NTN1: variants seen among roughly 807,000 people sequenced by gnomAD.
The protein encoded by NTN1 is netrin 1.
Under a neutral mutation model 54.2 loss-of-function variants are expected in NTN1, and 11 were observed. The ratio of observed to expected loss-of-function variants is 0.20; its 90% CI spans 0.13 to 0.34. The LOEUF (loss-of-function observed/expected upper bound fraction) is 0.34. NTN1 is among the 10% of genes least tolerant of loss of function. The pLI, the probability that NTN1 is intolerant of heterozygous loss-of-function variation, is 1.00. For synonymous variants in NTN1, 371 were observed against 382.0 expected (o/e 0.97, Z 0.33); for missense variants, 740 against 893.1 (o/e 0.83, Z 2.18).
chr17:9,183,244 C>A (rs16957995), intron 5 of NTN1: 239,489 of 650,216 alleles, frequency 0.37, 46,464 homozygotes, highest in Middle Eastern at 0.49. Context: ...TACTTGTCCA[C>A]CAGCTGCCCG....
At chr17:9,040,969 C>T (rs2091919423) in intron 2 of NTN1, among the ~76,000 whole-genome samples, 1 of 152,018 alleles carries the variant, frequency 6.6e-6, no homozygotes, top group Non-Finnish European at 1.5e-5. Flanking sequence ...GCACCATGCC[C>T]AGCTAATTTT....
chr17:9,182,861 G>GT, intron 4 of NTN1, 55 bp from the exon 5 acceptor site: 3 of 1,578,014 alleles, frequency 1.9e-6, no homozygotes, highest in Non-Finnish European at 2.6e-6. Context: ...AAAAAATCAT[G>GT]TCGTCTTACC....
chr17:9,170,584 A>G (rs903248532), intron 3 of NTN1, among the ~76,000 whole-genome samples: 2 of 152,152 alleles, frequency 1.3e-5, no homozygotes, highest in African/African-American at 4.8e-5. Context: ...TTTGGGAGCA[A>G]AGATGACAAG....
chr17:9,151,936 G>A (rs1030588653), intron 2 of NTN1, among the ~76,000 whole-genome samples: 6 of 152,150 alleles, frequency 3.9e-5, no homozygotes, highest in Non-Finnish European at 7.3e-5. Context: ...TCTGTAAAAC[G>A]CATCAATCAG....
At position 9,065,223 on chromosome 17, in the gene NTN1, C is replaced by A. The variant is rs1383317697; in HGVS notation, c.1018+41832C>A. Among the ~76,000 whole-genome samples, 3 of 152,220 alleles carry A rather than the reference C, an allele frequency of 2.0e-5. No individual in the cohort carries two copies. In the East Asian group the frequency reaches 5.8e-4, roughly 29 times the overall value. ...AAGTGCTGGGATTACAGGTGTGAGC[C>A]ACTGTGCCCAGCCTTATGTGATCTT... On this transcript the variant is annotated intron_variant, in intron 2 of 6. Coordinates refer to ENST00000173229, the MANE Select transcript of NTN1 (RefSeq NM_004822.3).
intron 2 of NTN1, among the ~76,000 whole-genome samples, chr17:9,085,876 G>A (rs1056512603): frequency 1.3e-5 from 2 of 152,156 alleles, no homozygotes; most frequent in African/African-American, 4.8e-5. Context: ...TCAGCTTCTC[G>A]TGGGGTGACA....
At chr17:9,176,537 G>A (rs1163848224) in intron 3 of NTN1, 3 of 152,200 alleles carry the variant, frequency 2.0e-5, no homozygotes, top group African/African-American at 7.2e-5. Context: ...CCAGGCCATA[G>A]TATGGCATTG....
chr17:9,195,502 A>G (rs2142332026), intron 5 of NTN1, among the ~76,000 whole-genome samples: 1 of 152,254 alleles, frequency 6.6e-6, no homozygotes, highest in Non-Finnish European at 1.5e-5. Context: ...TCCATGTCAC[A>G]CAGCTGTCAC....
chr17:9,191,310 A>AG (rs1250128441), intron 5 of NTN1, among the ~76,000 whole-genome samples: 1 of 152,140 alleles, frequency 6.6e-6, no homozygotes, highest in African/African-American at 2.4e-5. Context: ...AAAATACAAA[A>AG]TTAGCTGGGC....
At chr17:9,138,836 C>G (rs2092289097) in intron 2 of NTN1, among the ~76,000 whole-genome samples, 1 of 152,136 alleles carries the variant, frequency 6.6e-6, no homozygotes. Context: ...GTCAGGACCC[C>G]TCTAGGGCTG....
chr17:9,076,393 G>T (rs1218910896), intron 2 of NTN1, among the ~76,000 whole-genome samples: 1 of 152,112 alleles, frequency 6.6e-6, no homozygotes, highest in African/African-American at 2.4e-5. Context: ...TTTTTTGTTA[G>T]AGACGGTCTC....
chr17:9,116,615 G>C (rs1278596443), intron 2 of NTN1, among the ~76,000 whole-genome samples: 1 of 152,168 alleles, frequency 6.6e-6, no homozygotes, highest in African/African-American at 2.4e-5. Flanking sequence ...GCCTCGGCTT[G>C]AAAACCAGGC....
At chr17:9,003,649 C>G in the NTN1 span, among the ~76,000 whole-genome samples, 1 of 150,624 alleles carries the variant, frequency 6.6e-6, no homozygotes, top group African/African-American at 2.4e-5. This position sits in a 1 kb window ranked among gnomAD's most constrained non-coding sequence, Gnocchi z 7.4. Context: ...CGCTGCACCC[C>G]TCGCTTTCCC....
chr17:9,162,457 C>T (rs2092359640), intron 2 of NTN1, among the ~76,000 whole-genome samples: 1 of 152,060 alleles, frequency 6.6e-6, no homozygotes, highest in Non-Finnish European at 1.5e-5. Context: ...CTGCGTCTCT[C>T]TGTGTCCTCA....
intron 2 of NTN1, among the ~76,000 whole-genome samples, chr17:9,061,443 G>A (rs892505609): frequency 1.3e-5 from 2 of 152,296 alleles, no homozygotes; most frequent in Non-Finnish European, 2.9e-5. Flanking sequence ...CAGAGACCGG[G>A]TATGGGCAAG....
chr17:9,022,317 T>C lies in NTN1; in HGVS notation c.-57T>C. 7.9e-7 allele frequency: 1 copy of C among 1,261,572 alleles called. No individual in the cohort carries two copies. Among genetic ancestry groups the C allele is most frequent in the Non-Finnish European group, 9.9e-7 (1 of 1,007,872 alleles). The allele number at this position is 1,261,572 out of a possible 1,614,324, so 78.1% of individuals were successfully genotyped here. ...AGCTCCCTTCTCTCCGCAGGCGCCT[T>C]CTGCGGCAGGCGGACAGATCCTCGG... On this transcript the variant is annotated 5_prime_UTR_variant, in exon 2 of 7. Transcript: ENST00000173229.
intron 5 of NTN1, among the ~76,000 whole-genome samples, chr17:9,214,501 C>T (rs1269346063): frequency 6.6e-6 from 1 of 152,162 alleles, no homozygotes; most frequent in Non-Finnish European, 1.5e-5. Context: ...TACATCTTTG[C>T]TACTGCTTAA....
chr17:9,068,756 C>T (rs1298844432), intron 2 of NTN1, among the ~76,000 whole-genome samples: 9 of 152,154 alleles, frequency 5.9e-5, no homozygotes, highest in Admixed American at 5.9e-4. Context: ...GATCCGCCTA[C>T]CTCGGCCTCC....
intron 2 of NTN1, among the ~76,000 whole-genome samples, chr17:9,026,944 C>T (rs953360573): frequency 7.1e-6 from 1 of 140,148 alleles, no homozygotes; most frequent in Admixed American, 7.1e-5. Flanking sequence ...AGACGAGCAC[C>T]GTGCTGGGTT....
Sources: gnomAD v4.1 joint callset for allele counts (sites outside exome capture counted in the v4.1 genomes callset) on GRCh38, gnomAD v4.1.1 for gene constraint, Gnocchi (gnomAD v3.1) non-coding constraint, MANE v1.5 for transcripts, NCBI Gene and HGNC (gene_info 2026-07-23, HGNC 2026-07-21) for gene names.